TRIM33: variants seen among roughly 807,000 people sequenced by gnomAD.
The protein encoded by TRIM33 is tripartite motif containing 33.
In TRIM33, 20 loss-of-function variants were observed where a neutral mutation model predicts 125.4. The observed-to-expected ratio is 0.16, with a 90% CI of 0.11 to 0.23. The LOEUF is 0.23. Among genes scored for constraint, TRIM33 ranks in the 10% least tolerant of loss-of-function variants. TRIM33 has a pLI of 1.00. For synonymous variants in TRIM33, 564 were observed against 513.9 expected (o/e 1.10, Z -1.32); for missense variants, 920 against 1,411.4 (o/e 0.65, Z 5.58).
chr1:114,481,228 C>A (rs1651312700), intron 1 of TRIM33, among the ~76,000 whole-genome samples: 1 of 151,954 alleles, frequency 6.6e-6, no homozygotes, highest in Admixed American at 6.6e-5. Flanking sequence ...TAAAATGAAG[C>A]ATTTTATATG....
At chr1:114,406,011 A>G (rs1033730143) in intron 14 of TRIM33, among the ~76,000 whole-genome samples, 1 of 152,206 alleles carries the variant, frequency 6.6e-6, no homozygotes, top group Non-Finnish European at 1.5e-5. Context: ...TAAACTGTTA[A>G]GCTATTGATT....
At chr1:114,497,156 A>G (rs919703694) in intron 1 of TRIM33, among the ~76,000 whole-genome samples, 1 of 152,260 alleles carries the variant, frequency 6.6e-6, no homozygotes, top group African/African-American at 2.4e-5. Context: ...TGCAATTTGT[A>G]ATGTACCAAA....
intron 13 of TRIM33, among the ~76,000 whole-genome samples, chr1:114,407,324 T>G (rs1652308900): frequency 6.6e-6 from 1 of 152,096 alleles, no homozygotes; most frequent in Non-Finnish European, 1.5e-5. Context: ...AAACACATTT[T>G]ATGGTTTGAA....
Position 114,421,448 on chromosome 1 carries a change from A to G in TRIM33, c.2049T>C (p.Ile683=). 1 of 1,613,952 alleles carries G rather than the reference A, an allele frequency of 6.2e-7. No individual in the cohort carries two copies. Residue 683 remains isoleucine, a synonymous_variant, in exon 11 of 20, where the codon ATT becomes ATC. Coordinates refer to ENST00000358465, the MANE Select transcript of TRIM33 (RefSeq NM_015906.4). ...NPENLPSLPD[I]PPIQLEDAGS... is the part of the protein sequence containing the mutation. ...CTCAAATACAAACCTGTATGGGTGG[A>G]ATATCTGGCAGCGATGGAAGGTTTT...
At chr1:114,490,105 G>A (rs12724100) in intron 1 of TRIM33, among the ~76,000 whole-genome samples, 25,269 of 97,498 alleles carry the variant, frequency 0.26, 3,442 homozygotes, top group African/African-American at 0.29. Context: ...AAAAAAAAAA[G>A]AAAAGGAAAG....
intron 2 of TRIM33, 132 bp from the exon 3 acceptor site, chr1:114,463,688 C>A: frequency 1.7e-6 from 1 of 590,798 alleles, no homozygotes; most frequent in Non-Finnish European, 2.9e-6. Flanking sequence ...CATTTATCTT[C>A]AACAAAATCC....
chr1:114,464,638 T>C (rs1019399419), intron 1 of TRIM33, among the ~76,000 whole-genome samples: 1 of 152,148 alleles, frequency 6.6e-6, no homozygotes, highest in African/African-American at 2.4e-5. Context: ...GCTGAATAAT[T>C]GCCCCAAAAG....
At chr1:114,475,326 G>A (rs747263511) in intron 1 of TRIM33, among the ~76,000 whole-genome samples, 2 of 152,180 alleles carry the variant, frequency 1.3e-5, no homozygotes, top group Non-Finnish European at 2.9e-5. Flanking sequence ...TCTGAAGATA[G>A]CACTTCTAAA....
chr1:114,501,189 CAAAAAAAA>C lies in TRIM33; in HGVS notation c.526+9354_526+9361del, dbSNP rs775867907. ...TGGGCGACAGAGCGAGACTCCGTCTCAAAAAAAAAAAAAAAAAAAAAAAGAATTTGGGA... is the reference window on the plus strand; with the variant it reads ...TGGGCGACAGAGCGAGACTCCGTCTCAAAAAAAAAAAAAAAGAATTTGGGA... On this transcript the variant is annotated intron_variant, in intron 1 of 19. Transcript: ENST00000358465. Among the ~76,000 whole-genome samples the C allele has an allele frequency of 2.8e-3, 64 of 23,186 alleles. 7 individuals carry two copies. Among genetic ancestry groups the C allele is most frequent in the Non-Finnish European group, 4.4e-3 (52 of 11,688 alleles). The allele number at this position is 23,186 out of a possible 152,430, so 15.2% of individuals were successfully genotyped here.
rs142114422 is a variant in TRIM33, at chr1:114,466,488, TG to T, written c.527-2101del. Among the ~76,000 whole-genome samples the T allele has an allele frequency of 6.4e-3, 969 of 152,316 alleles. 3 individuals carry two copies. The highest frequency in any genetic ancestry group is 0.012 in the Admixed American group (190 of 15,304). ...CTCTGAGCCCGTGGAAAATTCTGCC[TG>T]GTAAGAGTACTTTTGTATACCTGAG... On this transcript the variant is annotated intron_variant, in intron 1 of 19. Transcript: ENST00000358465.
chr1:114,468,518 T>A (rs1433215202), intron 1 of TRIM33: 1 of 397,100 alleles, frequency 2.5e-6, no homozygotes, highest in African/African-American at 2.2e-5. Flanking sequence ...GTGCTTCTGA[T>A]GATCTAGATG....
At chr1:114,436,505 G>A (rs551671209) in intron 4 of TRIM33, among the ~76,000 whole-genome samples, 11 of 151,180 alleles carry the variant, frequency 7.3e-5, no homozygotes, top group Non-Finnish European at 1.0e-4. Flanking sequence ...TCGCTCTGTC[G>A]TCCAGGCTGG....
intron 4 of TRIM33, among the ~76,000 whole-genome samples, chr1:114,458,408 C>T (rs1204932082): frequency 6.6e-6 from 1 of 152,186 alleles, no homozygotes; most frequent in Non-Finnish European, 1.5e-5. Context: ...TTCTGCTGGA[C>T]TAACTGCTAC....
intron 16 of TRIM33, among the ~76,000 whole-genome samples, 168 bp downstream of exon 16, chr1:114,402,592 G>C (rs1023176651): frequency 1.3e-5 from 2 of 151,968 alleles, no homozygotes; most frequent in African/African-American, 4.8e-5. Context: ...CTGTAGTTCA[G>C]GGTTAGAGGA....
intron 1 of TRIM33, among the ~76,000 whole-genome samples, chr1:114,473,579 G>C (rs1288754623): frequency 2.0e-5 from 3 of 152,104 alleles, no homozygotes; most frequent in Non-Finnish European, 2.9e-5. Context: ...CAGGTAATCG[G>C]AATGAGTCAG....
chr1:114,414,070 C>CACA (rs1553207069), intron 11 of TRIM33, among the ~76,000 whole-genome samples: 1 of 147,482 alleles, frequency 6.8e-6, no homozygotes, highest in Non-Finnish European at 1.5e-5. Flanking sequence ...CACACACACA[C>CACA]GTTTTTAAAT....
In TRIM33 at chr1:114,502,682, T is replaced by A. The variant is rs779717261; in HGVS notation, c.526+7869A>T. The stretch of plus-strand genomic sequence containing the variant: ...CCACCACACTCGGATAATTTTTTTA[T>A]TTTTTCTGGAGTCGGAGTCTCACTA... On this transcript the variant is annotated intron_variant, in intron 1 of 19. Coordinates refer to ENST00000358465, the MANE Select transcript of TRIM33 (RefSeq NM_015906.4). 5.3e-5 allele frequency among the ~76,000 whole-genome samples: 8 copies of A among 151,956 alleles called. No individual in the cohort carries two copies. In the East Asian group the frequency reaches 1.6e-3, roughly 30 times the overall value.
At chr1:114,414,989 A>AT (rs56960865) in intron 11 of TRIM33, among the ~76,000 whole-genome samples, 1,049 of 104,632 alleles carry the variant, frequency 0.01, 28 homozygotes, top group Middle Eastern at 0.015. Flanking sequence ...GGTAGATTCT[A>AT]TTTTTTTTTT....
At position 114,407,067 on chromosome 1, in the gene TRIM33, T is replaced by G; in HGVS notation, c.2292A>C (p.Thr764=). 1 of 1,613,770 alleles carries G rather than the reference T, an allele frequency of 6.2e-7. No individual in the cohort carries two copies. The highest frequency in any genetic ancestry group is 8.5e-7 in the Non-Finnish European group (1 of 1,179,844). Residue 764 remains threonine (T), a synonymous_variant, in exon 14 of 20, where the codon ACA becomes ACC. Transcript: ENST00000358465. ...CCTGATCAGATTTGAAACTAAGACT[T>G]GTCTTCTCAGCAGTTCTTCCTGATG... ...CGSSGRTAEK[T]SLSFKSDQVK...
Sources: gnomAD v4.1 joint callset for allele counts (sites outside exome capture counted in the v4.1 genomes callset) on GRCh38, gnomAD v4.1.1 for gene constraint, MANE v1.5 for transcripts, NCBI Gene and HGNC (gene_info 2026-07-23, HGNC 2026-07-21) for gene names.